LRRC7: variants seen among roughly 807,000 people sequenced by gnomAD.
LRRC7 encodes the protein leucine rich repeat containing 7, also known as leucine-rich repeat-containing protein 7.
A neutral mutation model predicts 175.7 loss-of-function variants in LRRC7; 23 were observed. The ratio of observed to expected loss-of-function variants is 0.13; its 90% CI spans 0.09 to 0.19. The LOEUF (loss-of-function observed/expected upper bound fraction) is 0.19. Among genes scored for constraint, LRRC7 ranks in the 10% least tolerant of loss-of-function variants. The pLI is 1.00. For missense variants in LRRC7, 1,354 were observed against 1,904.7 expected, an observed-to-expected ratio of 0.71 and a Z score of 5.38; for synonymous variants, 685 against 680.9, an observed-to-expected ratio of 1.01 and a Z score of -0.09.
chr1:69,963,182 G>C (rs1266670567), intron 8 of LRRC7, among the ~76,000 whole-genome samples: 1 of 151,676 alleles, frequency 6.6e-6, no homozygotes, highest in Non-Finnish European at 1.5e-5. Context: ...GTACATGCCT[G>C]TAATCCCAGC....
chr1:69,618,086 C>T (rs955067557), intron 1 of LRRC7, among the ~76,000 whole-genome samples: 7 of 152,070 alleles, frequency 4.6e-5, no homozygotes, highest in African/African-American at 1.7e-4. Context: ...AGTGGTGTCC[C>T]TTAATTAGAG....
intron 3 of LRRC7, among the ~76,000 whole-genome samples, chr1:69,764,661 A>T (rs541815649): frequency 6.6e-6 from 1 of 151,904 alleles, no homozygotes; most frequent in South Asian, 2.1e-4. Context: ...TCATTAGTAA[A>T]ACTCGGGAAG....
intron 2 of LRRC7, among the ~76,000 whole-genome samples, chr1:69,747,261 C>T (rs900299673): frequency 2.0e-5 from 3 of 152,150 alleles, no homozygotes; most frequent in Admixed American, 6.6e-5. Flanking sequence ...CTTGAGTTTA[C>T]TTGAAAATGA....
chr1:69,625,978 A>T (rs1412014759), intron 1 of LRRC7, among the ~76,000 whole-genome samples: 1 of 151,466 alleles, frequency 6.6e-6, no homozygotes, highest in Non-Finnish European at 1.5e-5. Context: ...CAAATGTCCT[A>T]TATTCTTACT....
chr1:69,576,718 A>G (rs989397954), intron 1 of LRRC7, among the ~76,000 whole-genome samples: 1 of 152,300 alleles, frequency 6.6e-6, no homozygotes, highest in East Asian at 1.9e-4. Context: ...TATGCTTTTC[A>G]TTTGTAAAAT....
At chr1:69,664,933 C>G (rs1474985773) in intron 1 of LRRC7, among the ~76,000 whole-genome samples, 1 of 152,050 alleles carries the variant, frequency 6.6e-6, no homozygotes, top group Non-Finnish European at 1.5e-5. Context: ...TTTCATAGTC[C>G]AAGGTCTTAG....
At chr1:69,702,929 A>G (rs1663550073) in intron 2 of LRRC7, among the ~76,000 whole-genome samples, 2 of 152,084 alleles carry the variant, frequency 1.3e-5, no homozygotes, top group Admixed American at 6.6e-5. Flanking sequence ...ATGACAAACC[A>G]TTATTCAGAT....
chr1:70,002,574 C>T (rs1016845026), intron 11 of LRRC7, among the ~76,000 whole-genome samples: 1 of 152,110 alleles, frequency 6.6e-6, no homozygotes, highest in Non-Finnish European at 1.5e-5. Context: ...TTGAACATTT[C>T]TCATTTCCTT....
chr1:70,095,646 G>T (rs536005970), intron 25 of LRRC7, among the ~76,000 whole-genome samples: 61 of 152,216 alleles, frequency 4.0e-4, no homozygotes, highest in South Asian at 1.2e-3. Context: ...ATAGAAAGGA[G>T]ACATGAATTT....
At chr1:69,869,488 G>T (rs951600857) in intron 7 of LRRC7, among the ~76,000 whole-genome samples, 4 of 152,068 alleles carry the variant, frequency 2.6e-5, no homozygotes, top group Non-Finnish European at 5.9e-5. Context: ...TACATTACCT[G>T]AAATACAGTT....
intron 7 of LRRC7, among the ~76,000 whole-genome samples, chr1:69,908,148 C>G (rs1049024562): frequency 1.8e-4 from 27 of 152,048 alleles, no homozygotes; most frequent in African/African-American, 6.5e-4. Context: ...TCATTCTTCT[C>G]TCTTTTTTTC....
At position 70,021,100 on chromosome 1, in the gene LRRC7, G is replaced by C. The variant is rs1166117688; in HGVS notation, c.1516G>C (p.Glu506Gln). Residue 506 changes from glutamate to glutamine, a missense_variant, in exon 16 of 27, where the codon GAA (glutamate) becomes CAA (glutamine). By Grantham distance (29) the Glu-to-Gln change is conservative. This residue lies in a region of LRRC7 where 1,032 missense variants were observed against 1,227.2 expected (regional missense o/e 0.84). Coordinates refer to ENST00000651989, the MANE Select transcript of LRRC7 (RefSeq NM_001370785.2). ...TVAFEFEDKK[E>Q]DDENAGKVKD... ...TGCCTTTGAATTTGAAGACAAAAAA[G>C]AAGATGACGAAAATGCTGGGAAAGT... 1 of 1,612,230 alleles carries C rather than the reference G, an allele frequency of 6.2e-7. No homozygotes were observed. Among genetic ancestry groups the C allele is most frequent in the South Asian group, 1.1e-5 (1 of 90,978 alleles).
intron 7 of LRRC7, among the ~76,000 whole-genome samples, chr1:69,922,494 C>T (rs566600873): frequency 1.3e-5 from 2 of 152,264 alleles, no homozygotes; most frequent in East Asian, 3.9e-4. Flanking sequence ...TAATTTCTCT[C>T]GATTATGAAC....
At chr1:69,838,503 C>A (rs1218940557) in intron 7 of LRRC7, among the ~76,000 whole-genome samples, 2 of 151,806 alleles carry the variant, frequency 1.3e-5, no homozygotes, top group African/African-American at 4.8e-5. Flanking sequence ...GGAAAGAGTT[C>A]ACTTAAGTTT....
chr1:69,815,874 G>T (rs2101170027), intron 4 of LRRC7, among the ~76,000 whole-genome samples: 1 of 152,218 alleles, frequency 6.6e-6, no homozygotes, highest in Middle Eastern at 3.4e-3. Context: ...TTATTAAAAA[G>T]ACCACTGGGA....
chr1:69,962,631 G>A (rs1651215158), intron 8 of LRRC7, among the ~76,000 whole-genome samples: 1 of 152,080 alleles, frequency 6.6e-6, no homozygotes, highest in Admixed American at 6.5e-5. Flanking sequence ...ATACACCAAG[G>A]AATACTATGC....
chr1:70,037,416 T>A (rs1236870008), intron 20 of LRRC7, among the ~76,000 whole-genome samples: 1 of 152,210 alleles, frequency 6.6e-6, no homozygotes, highest in East Asian at 1.9e-4. Flanking sequence ...ATTATCTCAG[T>A]ATCTGCTAGA....
Position 69,788,299 on chromosome 1 carries a change from G to A in LRRC7, c.304-3744G>A, listed in dbSNP as rs180946348. ...TTGTTATTCTGGAATTCAAATAATTGCCTCAAATTACAATCAGAGCTCATT... is the reference window on the plus strand; with the variant it reads ...TTGTTATTCTGGAATTCAAATAATTACCTCAAATTACAATCAGAGCTCATT... On this transcript the variant is annotated intron_variant, in intron 3 of 26. Coordinates refer to ENST00000651989, the MANE Select transcript of LRRC7 (RefSeq NM_001370785.2). Among the ~76,000 whole-genome samples the A allele has an allele frequency of 6.2e-3, 947 of 152,248 alleles. 13 individuals are homozygous for A. Among genetic ancestry groups the A allele is most frequent in the African/African-American group, 0.022 (917 of 41,554 alleles).
At chr1:70,035,072 CT>C (rs1350976018) in intron 18 of LRRC7, among the ~76,000 whole-genome samples, 1 of 151,942 alleles carries the variant, frequency 6.6e-6, no homozygotes, top group Non-Finnish European at 1.5e-5. Context: ...ATTTTTTTCT[CT>C]GATTTAACAA....
Sources: allele counts gnomAD v4.1 joint callset (sites outside exome capture counted in the v4.1 genomes callset), GRCh38; gene constraint gnomAD v4.1.1; regional missense constraint gnomAD v4.1.1; transcripts MANE v1.5; gene names NCBI Gene and HGNC (gene_info 2026-07-23, HGNC 2026-07-21).